TRIM46: variants seen among roughly 807,000 people sequenced by gnomAD.
The protein encoded by TRIM46 is tripartite motif-containing protein 46.
A neutral mutation model predicts 69.7 loss-of-function variants in TRIM46; 17 were observed. That is an observed-to-expected ratio of 0.24 (90% CI 0.17 to 0.37). TRIM46 has a LOEUF of 0.37. Among genes scored for constraint, TRIM46 ranks in the 10% least tolerant of loss-of-function variants. TRIM46 has a pLI of 1.00. For missense variants in TRIM46, 675 were observed against 1,025.1 expected (o/e 0.66, Z 4.66); for synonymous variants, 391 against 429.0 (o/e 0.91, Z 1.09).
In TRIM46 at chr1:155,181,963, C is replaced by T; in HGVS notation, c.1700C>T (p.Ala567Val). ...SVPGLPLLLAADRLLTGCHLS... is the reference protein window; with the variant it reads ...SVPGLPLLLAVDRLLTGCHLS... ...CCAGGGCTGCCCCTGCTGCTGGCTGCTGACCGGCTGCTGACCGGCTGCCAC... is the reference window on the plus strand; with the variant it reads ...CCAGGGCTGCCCCTGCTGCTGGCTGTTGACCGGCTGCTGACCGGCTGCCAC... Residue 567 changes from alanine to valine, a missense_variant, in exon 9 of 10, where the codon GCT becomes GTT. Ala to Val is a moderately conservative substitution (Grantham distance 64). This residue lies in a region of TRIM46 where 361 missense variants were observed against 498.3 expected (regional missense o/e 0.72). Coordinates refer to ENST00000334634, the MANE Select transcript of TRIM46 (RefSeq NM_025058.5). This position sits in a 1 kb window ranked among gnomAD's most constrained non-coding sequence, Gnocchi z 4.3. The T allele has an allele frequency of 6.2e-7, 1 of 1,613,930 alleles. No homozygotes were observed. The highest frequency in any genetic ancestry group is 1.1e-5 in the South Asian group (1 of 91,086).
chr1:155,176,329 G>T, intron 3 of TRIM46, 98 bp downstream of exon 3: 1 of 1,144,406 alleles, frequency 8.7e-7, no homozygotes, highest in Non-Finnish European at 1.2e-6. Flanking sequence ...AAGTGGGAAG[G>T]GTTTTCCAAT....
chr1:155,183,818 C>T lies in TRIM46; in HGVS notation c.1908C>T (p.His636=), dbSNP rs765244031. The T allele has an allele frequency of 1.7e-5, 28 of 1,606,088 alleles. No homozygotes were observed. The South Asian group carries it at 1.9e-4, about 11-fold the overall frequency. ...ISPRYDPDSG[H]DSGAEDATVE... ...GCAGGTACGACCCGGACAGCGGGCACGACAGCGGTGCCGAGGATGCCACAG... is the reference window on the plus strand; with the variant it reads ...GCAGGTACGACCCGGACAGCGGGCATGACAGCGGTGCCGAGGATGCCACAG... The change falls in exon 10 of 10, where the codon CAC becomes CAT. Residue 636 remains histidine, a synonymous_variant. Transcript: ENST00000334634.
intron 9 of TRIM46, among the ~76,000 whole-genome samples, chr1:155,183,111 C>G (rs140963651): frequency 1.3e-5 from 2 of 151,836 alleles, no homozygotes; most frequent in Non-Finnish European, 2.9e-5. Context: ...GGGCTTTCAC[C>G]GTGTTAGCCA....
chr1:155,182,178 T>A (rs1303290019), intron 9 of TRIM46, 29 bp downstream of exon 9: 7 of 1,557,550 alleles, frequency 4.5e-6, no homozygotes, highest in Non-Finnish European at 6.1e-6. Context: ...GGATGGGGTG[T>A]GGGGGTCCTG....
chr1:155,174,955 C>T, intron 1 of TRIM46: 1 of 1,382,712 alleles, frequency 7.2e-7, no homozygotes, highest in Non-Finnish European at 9.3e-7. Context: ...GCCTGGCTAT[C>T]GGGAGGAATC....
At chr1:155,182,334 G>A (rs958285251) in intron 9 of TRIM46, 185 bp downstream of exon 9, 2 of 649,124 alleles carry the variant, frequency 3.1e-6, no homozygotes, top group African/African-American at 3.7e-5. Flanking sequence ...CAGCAAAAGG[G>A]CTTTTGAGGA....
At chr1:155,174,919 A>AG in intron 1 of TRIM46, 1 of 1,407,810 alleles carries the variant, frequency 7.1e-7, no homozygotes. Context: ...GGACGTATGG[A>AG]GCGAGCAGGA....
chr1:155,179,544 C>T (rs1043594930), intron 7 of TRIM46, 88 bp from the exon 8 acceptor site: 9 of 1,313,182 alleles, frequency 6.9e-6, no homozygotes, highest in African/African-American at 1.5e-5. Flanking sequence ...CCCCGGCTCC[C>T]GCTGCTTTCC....
rs373079383 is a variant in TRIM46, at chr1:155,175,600, G to A, written c.278G>A (p.Arg93His). Residue 93 changes from arginine to histidine, a missense_variant, in exon 2 of 10, where the codon CGC (arginine) becomes CAC (histidine). Arg to His is a conservative substitution (Grantham distance 29). Transcript: ENST00000334634. The surrounding 1 kb of genome is among the most constrained non-coding windows in gnomAD (Gnocchi z 4.2). ...TCCACCCGCAGCCCCCGCCTCTCCCGCAGAACTCTCCCCAAGCCAGACCGC... is the reference window on the plus strand; with the variant it reads ...TCCACCCGCAGCCCCCGCCTCTCCCACAGAACTCTCCCCAAGCCAGACCGC... ...TPSTRSPRLS[R>H]RTLPKPDRLD... 1.2e-5 allele frequency: 20 copies of A among 1,613,580 alleles called. No homozygotes were observed. The highest frequency in any genetic ancestry group is 1.5e-5 in the Non-Finnish European group (18 of 1,179,942).
rs1358141852 is a variant in TRIM46, at chr1:155,184,840, G to A, written c.*650G>A. ...TGGGTGTTCCCATTGGGTTGGGCCA[G>A]GCAAGGCCTCTGGTGCCCGCTGCCG... On this transcript the variant is annotated 3_prime_UTR_variant, in exon 10 of 10. Transcript: ENST00000334634. This position sits in a 1 kb window ranked among gnomAD's most constrained non-coding sequence, Gnocchi z 5.6. The A allele has an allele frequency of 6.5e-6, 1 of 153,188 alleles. No individual in the cohort carries two copies. The highest frequency in any genetic ancestry group is 1.5e-5 in the Non-Finnish European group (1 of 68,416). The allele number at this position is 153,188 out of a possible 1,614,324, so 9.5% of individuals were successfully genotyped here. A position where few individuals can be genotyped will look rare whatever the true frequency, so the allele number is the denominator to read the frequency against.
rs1266213790 is a variant in TRIM46 at position 155,181,076 on chromosome 1, T to G, written c.1589-776T>G. Among the ~76,000 whole-genome samples the G allele has an allele frequency of 1.3e-5, 2 of 149,618 alleles. No homozygotes were observed. Among genetic ancestry groups the G allele is most frequent in the South Asian group, 2.1e-4 (1 of 4,718 alleles). ...AGTGAAACCCCGTCTCTACTAAAAATGAAAATGAAAATAATTAGCTGGGTG... is the reference window on the plus strand; with the variant it reads ...AGTGAAACCCCGTCTCTACTAAAAAGGAAAATGAAAATAATTAGCTGGGTG... On this transcript the variant is annotated intron_variant, in intron 8 of 9. Transcript: ENST00000334634. The surrounding 1 kb of genome is among the most constrained non-coding windows in gnomAD (Gnocchi z 4.3).
Position 155,184,075 on chromosome 1 carries a change from G to A in TRIM46, c.2165G>A (p.Gly722Glu), listed in dbSNP as rs1557819906. 1 of 1,613,972 alleles carries A rather than the reference G, an allele frequency of 6.2e-7. No individual in the cohort carries two copies. The highest frequency in any genetic ancestry group is 8.5e-7 in the Non-Finnish European group (1 of 1,180,036). ...GLLECPLDCS[G>E]PVCPAFCFIG... ...TTGGAGTGCCCCCTGGACTGCTCAG[G>A]GCCTGTGTGCCCTGCCTTTTGCTTC... is the stretch of plus-strand genomic sequence containing the variant. The change falls in exon 10 of 10, where the codon GGG becomes GAG. Residue 722 changes from glycine to glutamate, a missense_variant. Gly to Glu is a moderately conservative substitution (Grantham distance 98). Around this residue, in one of 5 missense-constraint regions of TRIM46, gnomAD observed 108 missense variants for 153.0 expected, o/e 0.71. Coordinates refer to ENST00000334634, the MANE Select transcript of TRIM46 (RefSeq NM_025058.5). This position sits in a 1 kb window ranked among gnomAD's most constrained non-coding sequence, Gnocchi z 5.6.
Position 155,178,052 on chromosome 1 carries a change from G to A in TRIM46, c.960G>A (p.Leu320=). The change falls in exon 6 of 10, where the codon CTG becomes CTA. Residue 320 remains leucine (L), a synonymous_variant. Transcript: ENST00000334634. ...AGGTGTCGCAGCTGGTGCGGGGGCT[G>A]GGGGCTGTGCTGGAGGAGAAGCGGG... ...KEEVSQLVRG[L]GAVLEEKRAS... 2.5e-6 allele frequency: 4 copies of A among 1,613,824 alleles called. No individual in the cohort carries two copies. The highest frequency in any genetic ancestry group is 3.4e-6 in the Non-Finnish European group (4 of 1,179,976).
rs200630413 is a variant in TRIM46 at position 155,176,264 on chromosome 1, G to A, written c.669+33G>A. The A allele has an allele frequency of 3.5e-4, 543 of 1,554,786 alleles. 2 individuals carry two copies. The African/African-American group carries it at 6.2e-3, about 18-fold the overall frequency. On this transcript the variant is annotated intron_variant, in intron 3 of 9. Coordinates refer to ENST00000334634, the MANE Select transcript of TRIM46 (RefSeq NM_025058.5). ...AGCCCTTCCAAGGCCTGGGGAGGGA[G>A]GGACATGCTGCTGCAGGTGGGTGGG... is the stretch of plus-strand genomic sequence containing the variant.
At chr1:155,174,719 G>C in intron 1 of TRIM46, 1 of 1,451,428 alleles carries the variant, frequency 6.9e-7, no homozygotes, top group Non-Finnish European at 9.0e-7. Context: ...CCGGTGGGGA[G>C]GGGGCGAGTA....
In TRIM46 at chr1:155,184,938, CTG is replaced by C. The variant is rs1666433021; in HGVS notation, c.*751_*752del. On this transcript the variant is annotated 3_prime_UTR_variant, in exon 10 of 10. Coordinates refer to ENST00000334634, the MANE Select transcript of TRIM46 (RefSeq NM_025058.5). This position sits in a 1 kb window ranked among gnomAD's most constrained non-coding sequence, Gnocchi z 5.6. The stretch of plus-strand genomic sequence containing the variant: ...ATTGTCATGGTTTATAAACAATAAA[CTG>C]TGATGCCAGGCACATCTCTGCCTTC... 6.5e-6 allele frequency: 1 copy of C among 152,694 alleles called. No homozygotes were observed. Among genetic ancestry groups the C allele is most frequent in the Non-Finnish European group, 1.5e-5 (1 of 68,132 alleles). 9.5% of individuals were successfully genotyped at this position (152,694 alleles called of 1,614,324 possible).
At chr1:155,174,774 G>A (rs1293409112) in intron 1 of TRIM46, 4 of 1,462,092 alleles carry the variant, frequency 2.7e-6, no homozygotes, top group Non-Finnish European at 1.8e-6. Context: ...AGGGGGTGCC[G>A]CTGACCGGGT....
chr1:155,175,201 A>G lies in TRIM46; in HGVS notation c.64-185A>G, dbSNP rs1665542460. ...GGGCCTTTAGCTCTGCAGCGGGGAA[A>G]GAGAAGCAAGGGACAGAGGTCTGGG... is the stretch of plus-strand genomic sequence containing the variant. On this transcript the variant is annotated intron_variant, in intron 1 of 9. Transcript: ENST00000334634. This position sits in a 1 kb window ranked among gnomAD's most constrained non-coding sequence, Gnocchi z 4.2. 1 of 1,464,936 alleles carries G rather than the reference A, an allele frequency of 6.8e-7. No homozygotes were observed. Among genetic ancestry groups the G allele is most frequent in the Non-Finnish European group, 8.9e-7 (1 of 1,118,536 alleles). The allele number at this position is 1,464,936 out of a possible 1,614,324, so 90.7% of individuals were successfully genotyped here.
Position 155,175,937 on chromosome 1 carries a change from G to C in TRIM46, c.375G>C (p.Val125=), listed in dbSNP as rs757226602. 3.4e-5 allele frequency: 54 copies of C among 1,603,080 alleles called. No homozygotes were observed. The highest frequency in any genetic ancestry group is 4.3e-5 in the Non-Finnish European group (51 of 1,173,162). The change falls in exon 3 of 10, where the codon GTG becomes GTC. Residue 125 remains valine (V), a synonymous_variant. Coordinates refer to ENST00000334634, the MANE Select transcript of TRIM46 (RefSeq NM_025058.5). This position sits in a 1 kb window ranked among gnomAD's most constrained non-coding sequence, Gnocchi z 4.2. The part of the protein sequence containing the change: ...GRKRGALHPQ[V]IMFPCPACQG... ...AGCGAGGTGCTTTGCACCCCCAAGT[G>C]ATCATGTTCCCGTGCCCAGCCTGCC... is the stretch of plus-strand genomic sequence containing the variant.
Sources: allele counts gnomAD v4.1 joint callset (sites outside exome capture counted in the v4.1 genomes callset), GRCh38; gene constraint gnomAD v4.1.1; regional missense constraint gnomAD v4.1.1; non-coding constraint Gnocchi (gnomAD v3.1); transcripts MANE v1.5; gene names NCBI Gene and HGNC (gene_info 2026-07-23, HGNC 2026-07-21).